COMMD10: variants seen among roughly 807,000 people sequenced by gnomAD.
COMMD10 encodes COMM domain containing 10, also known as COMM domain-containing protein 10.
COMMD10 carries 33 observed loss-of-function variants against 28.9 expected under a neutral mutation model. The ratio of observed to expected loss-of-function variants is 1.14; its 90% CI spans 0.87 to 1.53. COMMD10 has a LOEUF of 1.53. Ranked by LOEUF, COMMD10 falls within the 40% of genes most tolerant of loss-of-function variation. The probability of loss-of-function intolerance (pLI) is 0.00; values close to 1 mark genes in which losing one functional copy is unlikely to be tolerated. For synonymous variants in COMMD10, 110 were observed against 81.7 expected (o/e 1.35, Z -1.87); for missense variants, 310 against 233.4 (o/e 1.33, Z -2.14).
chr5:116,134,847 C>T (rs1483279235), intron 5 of COMMD10, among the ~76,000 whole-genome samples: 6 of 151,800 alleles, frequency 4.0e-5, no homozygotes, highest in Admixed American at 2.0e-4. Context: ...GGTCTCGATC[C>T]CCTGACCTTG....
chr5:116,271,872 C>T (rs973456743), intron 5 of COMMD10, among the ~76,000 whole-genome samples: 2 of 151,818 alleles, frequency 1.3e-5, no homozygotes, highest in Non-Finnish European at 2.9e-5. Context: ...TTTCCCAACT[C>T]TGTGATACAA....
At chr5:116,237,576 G>C (rs1308380310) in intron 5 of COMMD10, among the ~76,000 whole-genome samples, 2 of 152,134 alleles carry the variant, frequency 1.3e-5, no homozygotes. Flanking sequence ...TTGGGAGGCT[G>C]AGGTGGGAGG....
intron 5 of COMMD10, among the ~76,000 whole-genome samples, chr5:116,264,568 A>G (rs1406867623): frequency 1.3e-5 from 2 of 151,916 alleles, no homozygotes; most frequent in African/African-American, 4.9e-5. Context: ...GTAAAGGTCA[A>G]GTCAAGGCTT....
At chr5:116,251,156 C>T (rs1750102968) in intron 5 of COMMD10, among the ~76,000 whole-genome samples, 1 of 151,912 alleles carries the variant, frequency 6.6e-6, no homozygotes, top group Non-Finnish European at 1.5e-5. Context: ...CTGAAGCTGT[C>T]ATTTCAAATG....
intron 5 of COMMD10, among the ~76,000 whole-genome samples, chr5:116,279,454 G>C (rs903807693): frequency 2.0e-5 from 3 of 151,796 alleles, no homozygotes; most frequent in African/African-American, 7.3e-5. Context: ...TGTAAGCTCA[G>C]GAGTTTCCGT....
chr5:116,251,263 T>C (rs963707778), intron 5 of COMMD10, among the ~76,000 whole-genome samples: 4 of 125,052 alleles, frequency 3.2e-5, no homozygotes, highest in Non-Finnish European at 7.0e-5. Flanking sequence ...CAGACTCTTT[T>C]CTTTTTATTT....
chr5:116,175,925 A>G (rs1322468951), intron 5 of COMMD10, among the ~76,000 whole-genome samples: 1 of 152,146 alleles, frequency 6.6e-6, no homozygotes, highest in Non-Finnish European at 1.5e-5. Context: ...GTTAAAGAAG[A>G]TGAAAAAGTC....
chr5:116,217,493 A>G (rs988730641), intron 5 of COMMD10, among the ~76,000 whole-genome samples: 10 of 152,196 alleles, frequency 6.6e-5, no homozygotes, highest in African/African-American at 2.2e-4. Flanking sequence ...GTGAAATGAA[A>G]ACGGCAGAAT....
At chr5:116,241,779 A>G (rs1010693385) in intron 5 of COMMD10, among the ~76,000 whole-genome samples, 2 of 151,670 alleles carry the variant, frequency 1.3e-5, no homozygotes, top group Non-Finnish European at 2.9e-5. Context: ...CGCCCAGCTA[A>G]TTTTTTGTAT....
intron 5 of COMMD10, among the ~76,000 whole-genome samples, chr5:116,203,450 A>C (rs1449398573): frequency 7.2e-5 from 11 of 152,192 alleles, no homozygotes. Flanking sequence ...ACATTCACCA[A>C]AGTTGCAATG....
intron 5 of COMMD10, among the ~76,000 whole-genome samples, chr5:116,164,416 A>G (rs1419272277): frequency 6.6e-6 from 1 of 152,186 alleles, no homozygotes; most frequent in East Asian, 1.9e-4. Context: ...AGTGGGGGTA[A>G]TTGACAGTTG....
In COMMD10 at chr5:116,165,736, C is replaced by CA. The variant is rs542540372; in HGVS notation, c.510+31559dup. Among the ~76,000 whole-genome samples the CA allele has an allele frequency of 8.9e-4, 135 of 152,130 alleles. 2 individuals are homozygous for CA. The East Asian group carries it at 0.021, about 24-fold the overall frequency. On this transcript the variant is annotated intron_variant, in intron 5 of 6. Transcript: ENST00000274458. Reference sequence around the variant, plus strand: ...CCTTGTTATTTTCTAATCTAGTCTTCAGAGAGATGGTGTCTCTTCTTATAA... The same window carrying CA: ...CCTTGTTATTTTCTAATCTAGTCTTCAAGAGAGATGGTGTCTCTTCTTATAA...
intron 4 of COMMD10, among the ~76,000 whole-genome samples, chr5:116,109,743 T>G (rs917856683): frequency 4.6e-5 from 7 of 152,248 alleles, no homozygotes; most frequent in African/African-American, 1.7e-4. Flanking sequence ...TTGTGCAGCT[T>G]TACTACATTC....
At chr5:116,263,193 T>G (rs903088888) in intron 5 of COMMD10, among the ~76,000 whole-genome samples, 4 of 151,796 alleles carry the variant, frequency 2.6e-5, no homozygotes, top group African/African-American at 9.7e-5. Flanking sequence ...TAAAAACATC[T>G]ATGAAACACT....
chr5:116,288,092 C>T (rs1055731862), intron 5 of COMMD10, among the ~76,000 whole-genome samples: 40 of 151,762 alleles, frequency 2.6e-4, no homozygotes, highest in Non-Finnish European at 5.1e-4. Context: ...TAAAGAACTT[C>T]CTTTAGCATT....
chr5:116,236,182 A>G (rs952115735), intron 5 of COMMD10, among the ~76,000 whole-genome samples: 1 of 152,114 alleles, frequency 6.6e-6, no homozygotes, highest in Non-Finnish European at 1.5e-5. Context: ...TGGTACAACC[A>G]GACAATGGAA....
chr5:116,127,121 G>T (rs1751681561), intron 4 of COMMD10, among the ~76,000 whole-genome samples: 1 of 152,190 alleles, frequency 6.6e-6, no homozygotes, highest in African/African-American at 2.4e-5. Context: ...CAAAGGATAT[G>T]AACAGACACT....
Position 116,266,094 on chromosome 5 carries a change from G to A in COMMD10, c.511-25423G>A, listed in dbSNP as rs2078075. ...AGTGTTTTAGCTGACCCTTAAAAAA[G>A]CGGCAGGATTTTGTCAAGTGAAGTT... On this transcript the variant is annotated intron_variant, in intron 5 of 6. Coordinates refer to ENST00000274458, the MANE Select transcript of COMMD10 (RefSeq NM_016144.4). 7.7e-3 allele frequency among the ~76,000 whole-genome samples: 1,161 copies of A among 151,738 alleles called. 50 individuals carry two copies. Among genetic ancestry groups the A allele is most frequent in the African/African-American group, 0.027 (1,120 of 41,180 alleles).
chr5:116,170,961 G>T (rs1265161590), intron 5 of COMMD10, among the ~76,000 whole-genome samples: 1 of 152,150 alleles, frequency 6.6e-6, no homozygotes, highest in Middle Eastern at 3.2e-3. Flanking sequence ...AAAAGCAATG[G>T]CAACAAAGGC....
Sources: gnomAD v4.1 joint callset for allele counts (sites outside exome capture counted in the v4.1 genomes callset) on GRCh38, gnomAD v4.1.1 for gene constraint, MANE v1.5 for transcripts, NCBI Gene and HGNC (gene_info 2026-07-23, HGNC 2026-07-21) for gene names.